Variants in HPGDS observed in about 807,000 individuals in gnomAD.
HPGDS encodes the protein GST class-sigma.
HPGDS carries 26 observed loss-of-function variants against 23.1 expected under a neutral mutation model. The observed-to-expected ratio is 1.13, with a 90% CI of 0.83 to 1.56. The LOEUF is 1.56. HPGDS is among the 40% of genes most tolerant of loss of function. HPGDS has a pLI of 0.00. For missense variants in HPGDS, 268 were observed against 236.4 expected, an observed-to-expected ratio of 1.13 and a Z score of -0.88; for synonymous variants, 95 against 77.9, an observed-to-expected ratio of 1.22 and a Z score of -1.16.
rs748163221 is a variant in HPGDS, at chr4:94,334,629, TG to T, written c.-1del. On this transcript the variant is annotated 5_prime_UTR_variant, in exon 2 of 6. Transcript: ENST00000295256. ...AAATAAGTGAGTTTGTAGTTTGGCA[TG>T]GTGCAATTCTGGAAAAAGAAAAAGG... 7 of 1,612,450 alleles carry T rather than the reference TG, an allele frequency of 4.3e-6. No individual in the cohort carries two copies. The Admixed American group carries it at 1.2e-4, about 27-fold the overall frequency.
chr4:94,337,646 G>T (rs548153260), intron 1 of HPGDS, among the ~76,000 whole-genome samples: 1 of 152,256 alleles, frequency 6.6e-6, no homozygotes, highest in South Asian at 2.1e-4. Flanking sequence ...TTGCACTCCA[G>T]CCTGGGGGAC....
At chr4:94,327,439 CCAGTGG>C (rs1251152954) in intron 2 of HPGDS, among the ~76,000 whole-genome samples, 1 of 152,060 alleles carries the variant, frequency 6.6e-6, no homozygotes, top group East Asian at 1.9e-4. Context: ...TGCTTGGGTG[CCAGTGG>C]CAGTGGTAGT....
chr4:94,301,872 T>C (rs1756047348), intron 5 of HPGDS, among the ~76,000 whole-genome samples: 1 of 152,158 alleles, frequency 6.6e-6, no homozygotes, highest in Non-Finnish European at 1.5e-5. Context: ...CTGTGTGTTC[T>C]CTATGCACCT....
chr4:94,299,410 T>C lies in HPGDS; in HGVS notation c.*70A>G. The stretch of plus-strand genomic sequence containing the variant: ...GGAGCATGTGGATTATCTGGCAGGC[T>C]GATGTAGCTGTCTTATCTGATGAGA... On this transcript the variant is annotated 3_prime_UTR_variant, in exon 6 of 6. Transcript: ENST00000295256. 7.5e-7 allele frequency: 1 copy of C among 1,337,046 alleles called. No individual in the cohort carries two copies. The highest frequency in any genetic ancestry group is 1.0e-6 in the Non-Finnish European group (1 of 989,016). The allele number at this position is 1,337,046 out of a possible 1,614,324, so 82.8% of individuals were successfully genotyped here.
chr4:94,310,542 G>A (rs1485244760), intron 3 of HPGDS, among the ~76,000 whole-genome samples: 1 of 152,174 alleles, frequency 6.6e-6, no homozygotes, highest in Non-Finnish European at 1.5e-5. Context: ...CTGTAGCCTT[G>A]TAGTATAGTT....
intron 3 of HPGDS, among the ~76,000 whole-genome samples, chr4:94,310,574 T>G (rs1421685886): frequency 6.6e-6 from 1 of 152,200 alleles, no homozygotes; most frequent in Non-Finnish European, 1.5e-5. Context: ...AGCGTGATGC[T>G]TCCAGCCTTG....
intron 1 of HPGDS, among the ~76,000 whole-genome samples, chr4:94,341,636 A>T (rs980568399): frequency 6.6e-6 from 1 of 152,262 alleles, no homozygotes; most frequent in Non-Finnish European, 1.5e-5. Context: ...ATATTTGGGC[A>T]TTCCAGACAC....
intron 2 of HPGDS, among the ~76,000 whole-genome samples, chr4:94,326,170 A>C (rs1307685915): frequency 6.6e-6 from 1 of 152,122 alleles, no homozygotes; most frequent in South Asian, 2.1e-4. Flanking sequence ...CAAGCTTGAC[A>C]GTTTGACTTT....
At position 94,313,907 on chromosome 4, in the gene HPGDS, C is replaced by T. The variant is rs138649572; in HGVS notation, c.226+3966G>A. On this transcript the variant is annotated intron_variant, in intron 3 of 5. Coordinates refer to ENST00000295256, the MANE Select transcript of HPGDS (RefSeq NM_014485.3). Reference sequence around the variant, plus strand: ...TTCTTTTGATCTTCCATCACTGATACCCTTTCTTCCAGTTGATCAAACCAG... The same window carrying T: ...TTCTTTTGATCTTCCATCACTGATATCCTTTCTTCCAGTTGATCAAACCAG... Among the ~76,000 whole-genome samples the T allele has an allele frequency of 8.5e-3, 1,300 of 152,190 alleles. 9 individuals carry two copies. The highest frequency in any genetic ancestry group is 0.055 in the Middle Eastern group (16 of 290).
At chr4:94,334,934 A>C (rs1392578299) in intron 1 of HPGDS, among the ~76,000 whole-genome samples, 1 of 152,174 alleles carries the variant, frequency 6.6e-6, no homozygotes, top group Non-Finnish European at 1.5e-5. Context: ...CAACCTTCAG[A>C]GCATGGAGCA....
In HPGDS at chr4:94,309,815, C is replaced by T. The variant is rs1208273204; in HGVS notation, c.227-1072G>A. 1.4e-4 allele frequency among the ~76,000 whole-genome samples: 22 copies of T among 151,968 alleles called. No individual in the cohort carries two copies. In the South Asian group the frequency reaches 1.9e-3, roughly 13 times the overall value. On this transcript the variant is annotated intron_variant, in intron 3 of 5. Transcript: ENST00000295256. ...TGTTGTTTCCTGACTTTTTAATGAT[C>T]GCCATTCTAACTGGTGTGAGATGGT...
intron 2 of HPGDS, among the ~76,000 whole-genome samples, chr4:94,319,842 A>T (rs1470934462): frequency 1.3e-5 from 2 of 152,156 alleles, no homozygotes; most frequent in African/African-American, 4.8e-5. Context: ...TACATGTGCC[A>T]TGTTGGTGTG....
intron 4 of HPGDS, among the ~76,000 whole-genome samples, chr4:94,304,946 G>C (rs1213006805): frequency 6.6e-6 from 1 of 151,970 alleles, no homozygotes; most frequent in Non-Finnish European, 1.5e-5. Context: ...TGCACATTAG[G>C]GGGGTGTTTG....
Position 94,323,899 on chromosome 4 carries a change from C to T in HPGDS, c.134-5934G>A, listed in dbSNP as rs187630553. Among the ~76,000 whole-genome samples, 1,521 of 152,148 alleles carry T rather than the reference C, an allele frequency of 1.0e-2. 13 individuals are homozygous for T. Among genetic ancestry groups the T allele is most frequent in the Non-Finnish European group, 0.016 (1,110 of 68,002 alleles). On this transcript the variant is annotated intron_variant, in intron 2 of 5. Transcript: ENST00000295256. Reference sequence around the variant, plus strand: ...GGCATGTTTTTGCAGGGGCTGGTACCGGTTGTTTCTTTCCATGTTTAGTGC... The same window carrying T: ...GGCATGTTTTTGCAGGGGCTGGTACTGGTTGTTTCTTTCCATGTTTAGTGC...
At chr4:94,326,150 G>C (rs1217797747) in intron 2 of HPGDS, among the ~76,000 whole-genome samples, 1 of 152,088 alleles carries the variant, frequency 6.6e-6, no homozygotes, top group African/African-American at 2.4e-5. Flanking sequence ...AGTCAAACTT[G>C]ACAACTTGAC....
intron 2 of HPGDS, among the ~76,000 whole-genome samples, chr4:94,322,459 A>G (rs532716478): frequency 1.3e-5 from 2 of 152,182 alleles, no homozygotes; most frequent in Non-Finnish European, 2.9e-5. Flanking sequence ...TGGTCTATTC[A>G]GGGATTCAAC....
At chr4:94,305,572 G>A (rs938429664) in intron 4 of HPGDS, among the ~76,000 whole-genome samples, 5 of 152,032 alleles carry the variant, frequency 3.3e-5, no homozygotes, top group East Asian at 1.9e-4. Flanking sequence ...TGTGGCTTTC[G>A]ACTATAGGCT....
intron 2 of HPGDS, among the ~76,000 whole-genome samples, chr4:94,330,265 T>C (rs1331661871): frequency 6.6e-6 from 1 of 152,190 alleles, no homozygotes; most frequent in Non-Finnish European, 1.5e-5. Flanking sequence ...ATGGGAAAGT[T>C]GGACTAAAAT....
At chr4:94,316,382 C>T (rs1185877421) in intron 3 of HPGDS, among the ~76,000 whole-genome samples, 1 of 150,040 alleles carries the variant, frequency 6.7e-6, no homozygotes, top group East Asian at 1.9e-4. Context: ...TCTACATCCA[C>T]AAATTTTTCG....
Sources: allele counts gnomAD v4.1 joint callset (sites outside exome capture counted in the v4.1 genomes callset), GRCh38; gene constraint gnomAD v4.1.1; transcripts MANE v1.5; gene names NCBI Gene and HGNC (gene_info 2026-07-23, HGNC 2026-07-21).